ARHGAP10: variants seen among roughly 807,000 people sequenced by gnomAD.
ARHGAP10 encodes rho GTPase-activating protein 10.
A neutral mutation model predicts 108.6 loss-of-function variants in ARHGAP10; 87 were observed. The ratio of observed to expected loss-of-function variants is 0.80; its 90% confidence interval spans 0.67 to 0.96. The LOEUF is 0.96. ARHGAP10 is among the 40% of genes least tolerant of loss of function. ARHGAP10 has a pLI of 0.00. For missense variants in ARHGAP10, 939 were observed against 954.5 expected, an observed-to-expected ratio of 0.98 and a Z score of 0.21; for synonymous variants, 347 against 341.1, an observed-to-expected ratio of 1.02 and a Z score of -0.19.
At chr4:147,929,028 G>A (rs1431824374) in intron 13 of ARHGAP10, among the ~76,000 whole-genome samples, 1 of 152,208 alleles carries the variant, frequency 6.6e-6, no homozygotes, top group Non-Finnish European at 1.5e-5. Context: ...CAGGATGTCA[G>A]TAACCTTAAC....
chr4:147,762,112 A>G (rs954512488), intron 1 of ARHGAP10, among the ~76,000 whole-genome samples: 4 of 152,062 alleles, frequency 2.6e-5, no homozygotes, highest in Non-Finnish European at 4.4e-5. Flanking sequence ...AGTTCAAGCT[A>G]TTCTCCTGCT....
chr4:147,781,158 A>T (rs915356460), intron 1 of ARHGAP10, among the ~76,000 whole-genome samples: 10 of 152,040 alleles, frequency 6.6e-5, no homozygotes, highest in Non-Finnish European at 1.5e-5. Context: ...AGAGATCGAG[A>T]CCATTCTGGC....
chr4:148,045,738 CAAAAAAAAAA>C (rs11363800), intron 19 of ARHGAP10, among the ~76,000 whole-genome samples: 3 of 57,520 alleles, frequency 5.2e-5, no homozygotes, highest in Middle Eastern at 0.014. Context: ...AACTCCATCT[CAAAAAAAAAA>C]AAAAAAAAAA....
At chr4:148,064,387 G>T in intron 21 of ARHGAP10, 29 bp from the exon 22 acceptor site, 1 of 1,601,220 alleles carries the variant, frequency 6.2e-7, no homozygotes, top group Non-Finnish European at 8.5e-7. Context: ...CATTTTCATT[G>T]GTGTCTTTTG....
At chr4:147,864,721 A>G in intron 5 of ARHGAP10, 125 bp from the exon 6 acceptor site, 1 of 706,846 alleles carries the variant, frequency 1.4e-6, no homozygotes, top group South Asian at 1.9e-5. Flanking sequence ...GTGTTGCAAT[A>G]CTTTATTTAC....
At chr4:147,757,415 T>G (rs1729422483) in intron 1 of ARHGAP10, among the ~76,000 whole-genome samples, 1 of 152,054 alleles carries the variant, frequency 6.6e-6, no homozygotes, top group Non-Finnish European at 1.5e-5. Context: ...AGGCTGGTCT[T>G]GAACTCCTGA....
At chr4:148,063,487 C>T (rs528627709) in intron 21 of ARHGAP10, among the ~76,000 whole-genome samples, 187 bp downstream of exon 21, 25 of 152,282 alleles carry the variant, frequency 1.6e-4, no homozygotes, top group South Asian at 1.2e-3. Flanking sequence ...GTAGCAAGGA[C>T]GTTCTTTGGA....
intron 10 of ARHGAP10, among the ~76,000 whole-genome samples, chr4:147,902,640 C>T (rs1163345911): frequency 6.6e-6 from 1 of 152,042 alleles, no homozygotes; most frequent in Non-Finnish European, 1.5e-5. Context: ...TACCCAGAGG[C>T]TGAGGTAGGA....
At position 147,965,045 on chromosome 4, in the gene ARHGAP10, G is replaced by C; in HGVS notation, c.1472G>C (p.Arg491Pro). ...VPAKSGSPES[R>P]VNAIHFLVHK... ...GAAGAAAGCGGCAGCCCAGAATCTC[G>C]TGTTAATGCGATCCATTTCTTGGTA... The change falls in exon 17 of 23, where the codon CGT (arginine) becomes CCT (proline). Residue 491 changes from arginine (R) to proline (P), a missense_variant. By Grantham distance (103) the Arg-to-Pro change is moderately radical. Coordinates refer to ENST00000336498, the MANE Select transcript of ARHGAP10 (RefSeq NM_024605.4). 2.5e-6 allele frequency: 4 copies of C among 1,596,702 alleles called. No homozygotes were observed. In the South Asian group the frequency reaches 3.4e-5, roughly 14 times the overall value.
At chr4:147,929,598 AT>A (rs1159735140) in intron 13 of ARHGAP10, among the ~76,000 whole-genome samples, 8 of 152,166 alleles carry the variant, frequency 5.3e-5, no homozygotes, top group Non-Finnish European at 1.0e-4. Context: ...ACATTATCAC[AT>A]TTTTGTAATC....
chr4:147,915,125 A>G (rs977317546), intron 13 of ARHGAP10, among the ~76,000 whole-genome samples: 4 of 152,302 alleles, frequency 2.6e-5, no homozygotes, highest in African/African-American at 9.6e-5. Context: ...CAGGACTGCC[A>G]CCTATGAAAC....
chr4:147,786,809 T>G (rs1730910535), intron 1 of ARHGAP10, among the ~76,000 whole-genome samples: 1 of 152,104 alleles, frequency 6.6e-6, no homozygotes, highest in Non-Finnish European at 1.5e-5. Flanking sequence ...CAGAAATGAG[T>G]CTGTATTCAG....
Position 147,857,580 on chromosome 4 carries a change from A to G in ARHGAP10, c.412A>G (p.Thr138Ala). The G allele has an allele frequency of 6.7e-7, 1 of 1,483,970 alleles. No homozygotes were observed. The allele number at this position is 1,483,970 out of a possible 1,614,324, so 91.9% of individuals were successfully genotyped here. A position where few individuals can be genotyped will look rare whatever the true frequency, so the allele number is the denominator to read the frequency against. Residue 138 changes from threonine (T) to alanine (A), a missense_variant, in exon 5 of 23, where the codon ACA becomes GCA. Transcript: ENST00000336498. ...AGAAAAAAAGAAGTTTGACAAAGAGACAGAAAAGAATTATAGTCTAATTGA... is the reference window on the plus strand; with the variant it reads ...AGAAAAAAAGAAGTTTGACAAAGAGGCAGAAAAGAATTATAGTCTAATTGA... ...KEEKKKFDKE[T>A]EKNYSLIDKH...
intron 1 of ARHGAP10, among the ~76,000 whole-genome samples, chr4:147,793,757 A>T (rs1047670660): frequency 6.6e-6 from 1 of 152,120 alleles, no homozygotes; most frequent in Admixed American, 6.5e-5. Context: ...TGCAGAAACA[A>T]ATCATCCGTG....
intron 18 of ARHGAP10, among the ~76,000 whole-genome samples, chr4:147,987,080 A>G (rs1740072906): frequency 6.6e-6 from 1 of 152,266 alleles, no homozygotes; most frequent in Non-Finnish European, 1.5e-5. Context: ...TCTCAAATAT[A>G]TTTTCAGAAA....
intron 14 of ARHGAP10, among the ~76,000 whole-genome samples, chr4:147,945,724 C>T (rs115554026): frequency 2.0e-5 from 3 of 152,264 alleles, no homozygotes; most frequent in African/African-American, 4.8e-5. Context: ...GTGCCACCCT[C>T]GGTTTTCTGT....
At chr4:147,913,632 A>G (rs1489975777) in intron 13 of ARHGAP10, among the ~76,000 whole-genome samples, 1 of 152,058 alleles carries the variant, frequency 6.6e-6, no homozygotes, top group African/African-American at 2.4e-5. Context: ...GGCCTATTAG[A>G]TTAGGGCCCA....
chr4:147,846,280 T>C (rs1705072778), intron 3 of ARHGAP10, among the ~76,000 whole-genome samples: 1 of 152,198 alleles, frequency 6.6e-6, no homozygotes, highest in Admixed American at 6.5e-5. Flanking sequence ...AAATCACTTA[T>C]TTTTTCTGTA....
chr4:148,039,993 C>T (rs762297408), intron 19 of ARHGAP10, among the ~76,000 whole-genome samples: 16 of 152,188 alleles, frequency 1.1e-4, no homozygotes, highest in Non-Finnish European at 1.6e-4. Context: ...TAGAAGTTCT[C>T]ATTTACAAGT....
Sources: gnomAD v4.1 joint callset for allele counts (sites outside exome capture counted in the v4.1 genomes callset) on GRCh38, gnomAD v4.1.1 for gene constraint, MANE v1.5 for transcripts, NCBI Gene and HGNC (gene_info 2026-07-23, HGNC 2026-07-21) for gene names.